Variants in NBEAL1 observed in about 807,000 individuals in gnomAD.
NBEAL1 encodes neurobeachin like 1.
A neutral mutation model predicts 351.3 loss-of-function variants in NBEAL1; 273 were observed. The observed-to-expected ratio is 0.78, with a 90% CI of 0.70 to 0.86. The LOEUF is 0.86. NBEAL1 is among the 40% of genes least tolerant of loss of function. The pLI is 0.00. For synonymous variants in NBEAL1, 1,050 were observed against 1,086.4 expected (o/e 0.97, Z 0.66); for missense variants, 2,961 against 3,201.3 (o/e 0.92, Z 1.81).
intron 8 of NBEAL1, among the ~76,000 whole-genome samples, chr2:203,079,964 CTG>C (rs1326544123): frequency 6.6e-6 from 1 of 152,150 alleles, no homozygotes; most frequent in Non-Finnish European, 1.5e-5. Flanking sequence ...ATTTCTTAGT[CTG>C]TTTGGAGATT....
chr2:203,208,676 A>G lies in NBEAL1; in HGVS notation c.7546A>G (p.Ile2516Val). 2.5e-6 allele frequency: 4 copies of G among 1,612,316 alleles called. No individual in the cohort carries two copies. Among genetic ancestry groups the G allele is most frequent in the Non-Finnish European group, 3.4e-6 (4 of 1,179,584 alleles). The change falls in exon 52 of 56, where the codon ATT (isoleucine) becomes GTT (valine). Residue 2516 changes from isoleucine (I) to valine (V), a missense_variant. Ile to Val is a conservative substitution (Grantham distance 29, BLOSUM62 3). Transcript: ENST00000683969. The stretch of plus-strand genomic sequence containing the variant: ...GGGCTTAGCATCTAAACCTTTTCAG[A>G]TTCTTTATGGACACACCAACGAGGT... Reference protein sequence around the residue: ...PVGLASKPFQILYGHTNEVLS... With the variant: ...PVGLASKPFQVLYGHTNEVLS...
At chr2:203,213,454 T>C in intron 54 of NBEAL1, 64 bp from the exon 55 acceptor site, 1 of 1,416,966 alleles carries the variant, frequency 7.1e-7, no homozygotes, top group Non-Finnish European at 9.8e-7. Flanking sequence ...TTTCCAGATA[T>C]AAAATTCTGT....
intron 39 of NBEAL1, among the ~76,000 whole-genome samples, chr2:203,170,699 A>G (rs995116031): frequency 6.6e-6 from 1 of 152,214 alleles, no homozygotes; most frequent in Non-Finnish European, 1.5e-5. Flanking sequence ...AAGACCCATC[A>G]GCAATTCTTT....
chr2:203,134,618 G>A (rs1387394370), intron 27 of NBEAL1, among the ~76,000 whole-genome samples: 6 of 152,140 alleles, frequency 3.9e-5, no homozygotes, highest in Non-Finnish European at 4.4e-5. Flanking sequence ...CTACATAGAA[G>A]TTTATTGACT....
intron 14 of NBEAL1, among the ~76,000 whole-genome samples, chr2:203,109,789 G>A (rs2062521436): frequency 1.3e-5 from 2 of 152,170 alleles, no homozygotes; most frequent in South Asian, 2.1e-4. Flanking sequence ...TAAAGTGCTA[G>A]GATTACAGGC....
intron 10 of NBEAL1, among the ~76,000 whole-genome samples, chr2:203,093,595 T>C (rs1051526118): frequency 6.6e-6 from 1 of 152,154 alleles, no homozygotes; most frequent in African/African-American, 2.4e-5. Context: ...GGCTCATGCC[T>C]GTAATCCCAG....
chr2:203,023,049 G>A (rs1212047059), intron 2 of NBEAL1, among the ~76,000 whole-genome samples: 1 of 152,116 alleles, frequency 6.6e-6, no homozygotes, highest in Non-Finnish European at 1.5e-5. Flanking sequence ...AGAATTTAGA[G>A]GTGTTTTATT....
At chr2:203,075,649 A>C (rs900617832) in intron 7 of NBEAL1, among the ~76,000 whole-genome samples, 1 of 152,160 alleles carries the variant, frequency 6.6e-6, no homozygotes, top group Admixed American at 6.5e-5. Flanking sequence ...TACAAATTCC[A>C]GTTGCCTGGG....
chr2:203,040,495 A>G (rs1260641027), intron 2 of NBEAL1: 4 of 683,096 alleles, frequency 5.9e-6, no homozygotes, highest in Admixed American at 5.5e-5. Context: ...GAACCTAAAA[A>G]TGCTGCTTAT....
intron 10 of NBEAL1, among the ~76,000 whole-genome samples, chr2:203,095,504 T>TGCC (rs1420649162): frequency 1.3e-5 from 2 of 152,108 alleles, no homozygotes; most frequent in Non-Finnish European, 2.9e-5. Flanking sequence ...ATGTTGAGGC[T>TGCC]GGTCTCGAAC....
At chr2:203,200,155 A>C (rs969095458) in intron 49 of NBEAL1, among the ~76,000 whole-genome samples, 1 of 152,166 alleles carries the variant, frequency 6.6e-6, no homozygotes, top group African/African-American at 2.4e-5. Context: ...AGGCAGGCGG[A>C]CCACCTGAGG....
At position 203,173,981 on chromosome 2, in the gene NBEAL1, G is replaced by C. The variant is rs1052286664; in HGVS notation, c.6323+1128G>C. 2.0e-5 allele frequency among the ~76,000 whole-genome samples: 3 copies of C among 151,916 alleles called. No homozygotes were observed. In the South Asian group the frequency reaches 6.2e-4, roughly 31 times the overall value. ...TTTAGATTTTATACACGCTAATTCA[G>C]ATGTCACCATTCAGACCAATTATGC... On this transcript the variant is annotated intron_variant, in intron 41 of 55. Coordinates refer to ENST00000683969, the MANE Select transcript of NBEAL1 (RefSeq NM_001378026.1).
Position 203,193,906 on chromosome 2 carries a change from A to G in NBEAL1, c.7033A>G (p.Ile2345Val). ...CCTTCCTGAACTCAAGTCATTTTTTATAGAGGTAATATCCTACTTGGTAAT... is the reference window on the plus strand; with the variant it reads ...CCTTCCTGAACTCAAGTCATTTTTTGTAGAGGTAATATCCTACTTGGTAAT... The part of the protein sequence containing the change: ...QHLPELKSFF[I>V]EGISDGIPLL... The change falls in exon 47 of 56, where the codon ATA becomes GTA. Residue 2345 changes from isoleucine (I) to valine (V), a missense_variant. Ile to Val is a conservative substitution (Grantham distance 29, BLOSUM62 3). Transcript: ENST00000683969. The G allele has an allele frequency of 1.3e-6, 2 of 1,555,084 alleles. No homozygotes were observed. The highest frequency in any genetic ancestry group is 1.8e-6 in the Non-Finnish European group (2 of 1,128,044).
At chr2:203,027,905 A>C (rs766585787) in intron 2 of NBEAL1, among the ~76,000 whole-genome samples, 8 of 151,528 alleles carry the variant, frequency 5.3e-5, no homozygotes, top group Non-Finnish European at 1.0e-4. Context: ...TTTTTTTTTA[A>C]ATGGAGTCTC....
At chr2:203,114,679 T>C (rs2062649852) in intron 17 of NBEAL1, among the ~76,000 whole-genome samples, 1 of 152,222 alleles carries the variant, frequency 6.6e-6, no homozygotes. Flanking sequence ...TGCATGGGAA[T>C]TTTGAGATGA....
At position 203,113,274 on chromosome 2, in the gene NBEAL1, A is replaced by G. The variant is rs1012827792; in HGVS notation, c.2462A>G (p.Tyr821Cys). ...EGQLGSVIIF[Y>C]EPLQPPQVKA... is the part of the protein sequence containing the mutation. ...CAGCTAGGATCTGTTATCATCTTTTATGAACCACTACAACCTCCTCAGGTG... is the reference window on the plus strand; with the variant it reads ...CAGCTAGGATCTGTTATCATCTTTTGTGAACCACTACAACCTCCTCAGGTG... The change falls in exon 17 of 56, where the codon TAT becomes TGT. Residue 821 changes from tyrosine (Y) to cysteine (C), a missense_variant. Coordinates refer to ENST00000683969, the MANE Select transcript of NBEAL1 (RefSeq NM_001378026.1). 3 of 1,478,994 alleles carry G rather than the reference A, an allele frequency of 2.0e-6. No homozygotes were observed. The African/African-American group carries it at 4.2e-5, about 21-fold the overall frequency. 91.6% of individuals were successfully genotyped at this position (1,478,994 alleles called of 1,614,324 possible).
At chr2:203,213,819 G>T in intron 55 of NBEAL1, 166 bp downstream of exon 55, 1 of 980,618 alleles carries the variant, frequency 1.0e-6, no homozygotes, top group Non-Finnish European at 1.2e-6. Flanking sequence ...TGTTATTCAA[G>T]AATCATGTTT....
intron 7 of NBEAL1, among the ~76,000 whole-genome samples, chr2:203,076,808 T>C (rs1458360233): frequency 6.6e-6 from 1 of 151,664 alleles, no homozygotes; most frequent in East Asian, 2.0e-4. Flanking sequence ...GCCAGGCTGG[T>C]CTCGAACTCC....
chr2:203,053,639 C>A lies in NBEAL1; in HGVS notation c.306-2788C>A, dbSNP rs369546652. On this transcript the variant is annotated intron_variant, in intron 4 of 55. Transcript: ENST00000683969. ...TCCTCCTTCTTCAGTTCCCCCCACCCCAAGTAAGTGGGACCGCAGGTACAT... is the reference window on the plus strand; with the variant it reads ...TCCTCCTTCTTCAGTTCCCCCCACCACAAGTAAGTGGGACCGCAGGTACAT... 2.1e-4 allele frequency among the ~76,000 whole-genome samples: 32 copies of A among 152,128 alleles called. No individual in the cohort carries two copies. In the East Asian group the frequency reaches 4.7e-3, roughly 22 times the overall value.
Sources: allele counts gnomAD v4.1 joint callset (sites outside exome capture counted in the v4.1 genomes callset), GRCh38; gene constraint gnomAD v4.1.1; transcripts MANE v1.5; gene names NCBI Gene and HGNC (gene_info 2026-07-23, HGNC 2026-07-21).